The following OXNAD1 variants were observed in gnomAD, a reference collection of about 807,000 sequenced individuals.
OXNAD1 encodes oxidoreductase NAD binding domain containing 1.
OXNAD1 carries 34 observed loss-of-function variants against 32.9 expected under a neutral mutation model. That is an observed-to-expected ratio of 1.03 (90% confidence interval 0.79 to 1.38). The LOEUF is 1.38. OXNAD1 is among the 40% of genes most tolerant of loss of function. The probability of loss-of-function intolerance (pLI) is 0.00; values close to 1 mark genes in which losing one functional copy is unlikely to be tolerated. For synonymous variants in OXNAD1, 134 were observed against 135.2 expected (o/e 0.99, Z 0.06); for missense variants, 407 against 379.4 (o/e 1.07, Z -0.60).
At chr3:16,351,450 C>A (rs2125319854), downstream of OXNAD1, among the ~76,000 whole-genome samples, 1 of 152,266 alleles carries the variant, frequency 6.6e-6, no homozygotes, top group African/African-American at 2.4e-5. The surrounding 1 kb of genome is among the most constrained non-coding windows in gnomAD (Gnocchi z 5.4). Context: ...GTTAACTCAA[C>A]AAAAGATTGA....
At position 16,302,587 on chromosome 3, in the gene OXNAD1, T is replaced by A; in HGVS notation, c.676-53T>A. ...GGTTCAGCGTCAATGGTTGTGCACA[T>A]CTGTTTTGATTTTTTAAAATTGTAG... On this transcript the variant is annotated intron_variant, in intron 7 of 8. Coordinates refer to ENST00000285083, the MANE Select transcript of OXNAD1 (RefSeq NM_138381.5). This position sits in a 1 kb window ranked among gnomAD's most constrained non-coding sequence, Gnocchi z 4.2. 1 of 1,240,476 alleles carries A rather than the reference T, an allele frequency of 8.1e-7. No individual in the cohort carries two copies. The highest frequency in any genetic ancestry group is 1.9e-5 in the Admixed American group (1 of 52,690). 76.8% of individuals were successfully genotyped at this position (1,240,476 alleles called of 1,614,324 possible). A position where few individuals can be genotyped will look rare whatever the true frequency, so the allele number is the denominator to read the frequency against.
intron 9 of OXNAD1, chr3:16,326,989 C>A: frequency 1.4e-6 from 1 of 733,688 alleles, no homozygotes; most frequent in Non-Finnish European, 2.2e-6. Context: ...GTGGCGGTGC[C>A]CGGCCACTCA....
rs1379200278 is a variant in OXNAD1, at chr3:16,287,148, CA to C, written c.290+702del. 6.6e-6 allele frequency among the ~76,000 whole-genome samples: 1 copy of C among 152,146 alleles called. No individual in the cohort carries two copies. The highest frequency in any genetic ancestry group is 2.4e-5 in the African/African-American group (1 of 41,414). ...AATTCAAGTTCAATTGTAAGGAAAGCAACTTGAATTTCCCTAGGAAAGGTGT... is the reference window on the plus strand; with the variant it reads ...AATTCAAGTTCAATTGTAAGGAAAGCACTTGAATTTCCCTAGGAAAGGTGT... On this transcript the variant is annotated intron_variant, in intron 5 of 8. Transcript: ENST00000285083. The surrounding 1 kb of genome is among the most constrained non-coding windows in gnomAD (Gnocchi z 4.8).
rs1491304067 is a variant in OXNAD1, at chr3:16,324,645, ATT to A, written c.*31-12466_*31-12465del. Among the ~76,000 whole-genome samples, 17 of 32,624 alleles carry A rather than the reference ATT, an allele frequency of 5.2e-4. 1 individual carries two copies. In the South Asian group the frequency reaches 9.3e-3, roughly 18 times the overall value. 21.4% of individuals were successfully genotyped at this position (32,624 alleles called of 152,430 possible). The stretch of plus-strand genomic sequence containing the variant: ...CCCTTTTAAGGTTGCATAGTATTCC[ATT>A]GTGTGTGTGTGTGTGTGTGTGTGTG... On this transcript the variant is annotated intron_variant, in intron 9 of 9. Transcript: ENST00000435829.
intron 9 of OXNAD1, among the ~76,000 whole-genome samples, chr3:16,328,537 G>T (rs1269465742): frequency 6.6e-6 from 1 of 152,164 alleles, no homozygotes; most frequent in Non-Finnish European, 1.5e-5. Context: ...TGAACCCTTG[G>T]CGACTAATTT....
At chr3:16,313,494 A>G (rs766724470) in intron 9 of OXNAD1, 3 of 152,156 alleles carry the variant, frequency 2.0e-5, no homozygotes, top group African/African-American at 4.8e-5. Flanking sequence ...ATATACTTCC[A>G]TGGATATTGG....
chr3:16,308,573 A>T (rs970777924), downstream of OXNAD1, among the ~76,000 whole-genome samples: 8 of 152,196 alleles, frequency 5.3e-5, no homozygotes, highest in African/African-American at 1.9e-4. The surrounding 1 kb of genome is among the most constrained non-coding windows in gnomAD (Gnocchi z 4.4). Flanking sequence ...AACTCAAAAG[A>T]AGTATACTGT....
At chr3:16,309,258 CTGTT>C (rs888787717), downstream of OXNAD1, among the ~76,000 whole-genome samples, 1 of 152,034 alleles carries the variant, frequency 6.6e-6, no homozygotes, top group Non-Finnish European at 1.5e-5. Flanking sequence ...TGCAGTAAAC[CTGTT>C]TGTATAATTT....
downstream of OXNAD1, among the ~76,000 whole-genome samples, chr3:16,338,252 C>G (rs1311302853): frequency 6.6e-6 from 1 of 152,222 alleles, no homozygotes; most frequent in African/African-American, 2.4e-5. This position sits in a 1 kb window ranked among gnomAD's most constrained non-coding sequence, Gnocchi z 5.3. Context: ...CCACACACAC[C>G]TGCATGAGCA....
chr3:16,351,578 T>TA (rs56887072), downstream of OXNAD1, among the ~76,000 whole-genome samples: 777 of 152,232 alleles, frequency 5.1e-3, 7 homozygotes, highest in African/African-American at 0.018. The surrounding 1 kb of genome is among the most constrained non-coding windows in gnomAD (Gnocchi z 5.4). Flanking sequence ...CTTGCAGAAA[T>TA]ACAAGTCCAC....
intron 9 of OXNAD1, chr3:16,326,988 C>G: frequency 1.4e-6 from 1 of 734,786 alleles, no homozygotes; most frequent in South Asian, 1.8e-5. Context: ...AGTGGCGGTG[C>G]CCGGCCACTC....
intron 9 of OXNAD1, chr3:16,313,804 A>G (rs1369328316): frequency 6.6e-6 from 1 of 152,188 alleles, no homozygotes; most frequent in Non-Finnish European, 1.5e-5. Flanking sequence ...CAGTGTTACT[A>G]CTTCATTAAC....
At position 16,326,911 on chromosome 3, in the gene OXNAD1, G is replaced by T; in HGVS notation, c.*31-10201G>T. On this transcript the variant is annotated intron_variant, in intron 9 of 9. Coordinates refer to the OXNAD1 transcript ENST00000435829. Reference sequence around the variant, plus strand: ...CAAGGCCAGCATTAGGGCTGCTGCTGCCACAAGCCAACTCCCAGGCAATGA... The same window carrying T: ...CAAGGCCAGCATTAGGGCTGCTGCTTCCACAAGCCAACTCCCAGGCAATGA... 3 of 1,534,534 alleles carry T rather than the reference G, an allele frequency of 2.0e-6. No homozygotes were observed. In the East Asian group the frequency reaches 6.8e-5, roughly 35 times the overall value.
chr3:16,334,424 G>A lies in OXNAD1; in HGVS notation c.*31-2688G>A, dbSNP rs990009923. ...TCTCACTTCTGGGAATTTAACCTAC[G>A]TATTAAAAAATGAGAAATGCACAGA... On this transcript the variant is annotated intron_variant, in intron 9 of 9. Transcript: ENST00000435829. The surrounding 1 kb of genome is among the most constrained non-coding windows in gnomAD (Gnocchi z 4.3). Among the ~76,000 whole-genome samples the A allele has an allele frequency of 2.1e-4, 32 of 152,114 alleles. No individual in the cohort carries two copies. Among genetic ancestry groups the A allele is most frequent in the Non-Finnish European group, 2.9e-4 (20 of 68,032 alleles).
rs1297963862 is a variant in OXNAD1 at position 16,290,168 on chromosome 3, C to T, written c.290+3720C>T. Among the ~76,000 whole-genome samples the T allele has an allele frequency of 6.6e-6, 1 of 152,158 alleles. No individual in the cohort carries two copies. Among genetic ancestry groups the T allele is most frequent in the Non-Finnish European group, 1.5e-5 (1 of 68,022 alleles). On this transcript the variant is annotated intron_variant, in intron 5 of 8. Transcript: ENST00000285083. This position sits in a 1 kb window ranked among gnomAD's most constrained non-coding sequence, Gnocchi z 4.2. ...TGTGGACATCCACTGCTTCACCGCG[C>T]ACCTAGGCTCCTTCTGCATACACTC...
chr3:16,308,201 A>G (rs557779555), downstream of OXNAD1, among the ~76,000 whole-genome samples: 17 of 152,344 alleles, frequency 1.1e-4, no homozygotes, highest in African/African-American at 4.1e-4. This position sits in a 1 kb window ranked among gnomAD's most constrained non-coding sequence, Gnocchi z 4.4. Flanking sequence ...CATTTCGACA[A>G]AATTGAAAGT....
In OXNAD1 at chr3:16,286,342, A is replaced by G. The variant is rs199806047; in HGVS notation, c.184A>G (p.Ile62Val). ...GCCACAGTTCATCTTTTGGTTTTAGATTGTGTCAGCAGCTAAGGTGTGTGG... is the reference window on the plus strand; with the variant it reads ...GCCACAGTTCATCTTTTGGTTTTAGGTTGTGTCAGCAGCTAAGGTGTGTGG... ...ERTASVLRRE[I>V]VSAAKVCGAA... Residue 62 changes from isoleucine to valine, a missense_variant and splice_region_variant, in exon 5 of 9, where the codon ATT becomes GTT. Transcript: ENST00000285083. 2.1e-4 allele frequency: 340 copies of G among 1,612,300 alleles called. No homozygotes were observed. The highest frequency in any genetic ancestry group is 2.8e-4 in the Non-Finnish European group (325 of 1,178,596).
At position 16,346,102 on chromosome 3, in the gene OXNAD1, T is replaced by A. The variant is rs1459005683; in HGVS notation, c.*31-3074T>A. 1 of 152,064 alleles carries A rather than the reference T, an allele frequency of 6.6e-6. No individual in the cohort carries two copies. The highest frequency in any genetic ancestry group is 1.5e-5 in the Non-Finnish European group (1 of 68,022). The allele number at this position is 152,064 out of a possible 1,614,324, so 9.4% of individuals were successfully genotyped here. A position where few individuals can be genotyped will look rare whatever the true frequency, so the allele number is the denominator to read the frequency against. The stretch of plus-strand genomic sequence containing the variant: ...TTGAAAAGGTTCCTATGATTTAGGG[T>A]CTTCCAGCACCCCTCAGGAAGCTTG... On this transcript the variant is annotated intron_variant, in intron 9 of 9. Transcript: ENST00000606098. The surrounding 1 kb of genome is among the most constrained non-coding windows in gnomAD (Gnocchi z 4.4).
Position 16,265,855 on chromosome 3 carries a change from C to T in OXNAD1, c.-159+350C>T, listed in dbSNP as rs902960559. 4.5e-5 allele frequency: 44 copies of T among 984,938 alleles called. No individual in the cohort carries two copies. Among genetic ancestry groups the T allele is most frequent in the South Asian group, 9.4e-5 (2 of 21,274 alleles). The allele number at this position is 984,938 out of a possible 1,614,324, so 61.0% of individuals were successfully genotyped here. ...GTCTCCAAAGCCCAGGAACAAATTA[C>T]TTATGTGAGTACCAGTTTTTTCGTT... is the stretch of plus-strand genomic sequence containing the variant. On this transcript the variant is annotated intron_variant, in intron 1 of 8. Transcript: ENST00000285083. This position sits in a 1 kb window ranked among gnomAD's most constrained non-coding sequence, Gnocchi z 4.8.
Sources: allele counts gnomAD v4.1 joint callset (sites outside exome capture counted in the v4.1 genomes callset), GRCh38; gene constraint gnomAD v4.1.1; non-coding constraint Gnocchi (gnomAD v3.1); transcripts MANE v1.5; gene names NCBI Gene and HGNC (gene_info 2026-07-23, HGNC 2026-07-21).